The following BAZ2B variants were observed in gnomAD, a reference collection of about 807,000 sequenced individuals.
The protein encoded by BAZ2B is bromodomain adjacent to zinc finger domain 2B, also known as bromodomain adjacent to zinc finger domain protein 2B.
Under a neutral mutation model 246.0 loss-of-function variants are expected in BAZ2B, and 91 were observed. That is an observed-to-expected ratio of 0.37 (90% CI 0.31 to 0.44). The LOEUF (loss-of-function observed/expected upper bound fraction) is 0.44, where lower values mean the gene tolerates loss of function less well. BAZ2B is among the 20% of genes least tolerant of loss of function. The pLI is 1.00. For synonymous variants in BAZ2B, 855 were observed against 860.0 expected (o/e 0.99, Z 0.10); for missense variants, 2,332 against 2,533.7 (o/e 0.92, Z 1.71).
intron 14 of BAZ2B, among the ~76,000 whole-genome samples, chr2:159,410,138 A>G (rs2066589877): frequency 6.6e-6 from 1 of 152,232 alleles, no homozygotes; most frequent in African/African-American, 2.4e-5. Flanking sequence ...AACAATGTCC[A>G]CATTCCCCAG....
intron 3 of BAZ2B, among the ~76,000 whole-genome samples, chr2:159,477,293 A>T (rs1263526073): frequency 6.6e-6 from 1 of 152,102 alleles, no homozygotes; most frequent in Admixed American, 6.5e-5. Flanking sequence ...TGACAGTGCA[A>T]GACTCTGTCT....
intron 1 of BAZ2B, among the ~76,000 whole-genome samples, chr2:159,599,582 C>T (rs1362463525): frequency 6.6e-6 from 1 of 151,338 alleles, no homozygotes; most frequent in Non-Finnish European, 1.5e-5. Flanking sequence ...TGTGCCACTG[C>T]ACTCCAGCCT....
At chr2:159,524,941 C>T (rs1039736211) in intron 2 of BAZ2B, among the ~76,000 whole-genome samples, 3 of 152,086 alleles carry the variant, frequency 2.0e-5, no homozygotes, top group African/African-American at 7.2e-5. Flanking sequence ...GTCCCAGCTA[C>T]TCAGGAAACT....
At chr2:159,441,486 CAG>C (rs1230849545) in intron 6 of BAZ2B, among the ~76,000 whole-genome samples, 1 of 150,954 alleles carries the variant, frequency 6.6e-6, no homozygotes, top group Non-Finnish European at 1.5e-5. Context: ...TTAAAACAAA[CAG>C]AAATGAGAAG....
chr2:159,398,674 C>G (rs998775047), intron 18 of BAZ2B, among the ~76,000 whole-genome samples, 155 bp downstream of exon 18: 13 of 152,104 alleles, frequency 8.5e-5, no homozygotes, highest in African/African-American at 3.1e-4. Context: ...AATATACATA[C>G]AAATAAAAAC....
At chr2:159,469,340 G>A (rs1306979513) in intron 3 of BAZ2B, among the ~76,000 whole-genome samples, 2 of 152,044 alleles carry the variant, frequency 1.3e-5, no homozygotes, top group Admixed American at 6.6e-5. Context: ...TGATGTAGAC[G>A]AAATGAACGA....
chr2:159,700,488 C>G, the BAZ2B span, among the ~76,000 whole-genome samples: 1 of 152,176 alleles, frequency 6.6e-6, no homozygotes, highest in African/African-American at 2.4e-5. Flanking sequence ...CCCTATCGCC[C>G]AGGCAGGAGT....
intron 30 of BAZ2B, 23 bp downstream of exon 30, chr2:159,348,655 T>C (rs749934507): frequency 1.9e-5 from 30 of 1,571,214 alleles, no homozygotes; most frequent in Non-Finnish European, 2.4e-5. Context: ...GAAAGAAAGC[T>C]GAAATATCTT....
chr2:159,575,435 T>A (rs765008398), intron 1 of BAZ2B, among the ~76,000 whole-genome samples: 16 of 152,078 alleles, frequency 1.1e-4, no homozygotes, highest in Admixed American at 5.2e-4. Context: ...AGACACAGAG[T>A]TATAAAGAGT....
At position 159,349,090 on chromosome 2, in the gene BAZ2B, T is replaced by A. The variant is rs764607710; in HGVS notation, c.5054A>T (p.Asn1685Ile). 1 of 1,614,154 alleles carries A rather than the reference T, an allele frequency of 6.2e-7. No individual in the cohort carries two copies. The highest frequency in any genetic ancestry group is 1.7e-5 in the Admixed American group (1 of 60,018). The change falls in exon 29 of 37, where the codon AAT becomes ATT. Residue 1685 changes from asparagine (N) to isoleucine (I), a missense_variant. This residue lies in a region of BAZ2B where 676 missense variants were observed against 668.6 expected (regional missense o/e 1.01). Transcript: ENST00000392783. ...SSKSESPVPQNEKATSAQPAA... is the reference protein window; with the variant it reads ...SSKSESPVPQIEKATSAQPAA... ...AGGTTGAGCTGAAGTGGCCTTTTCATTCTGTGGTACTGGAGATTCACTTTT... is the reference window on the plus strand; with the variant it reads ...AGGTTGAGCTGAAGTGGCCTTTTCAATCTGTGGTACTGGAGATTCACTTTT...
Position 159,478,338 on chromosome 2 carries a change from T to TA in BAZ2B, c.145+236dup, listed in dbSNP as rs1577554202. Among the ~76,000 whole-genome samples, 6 of 152,222 alleles carry TA rather than the reference T, an allele frequency of 3.9e-5. No individual in the cohort carries two copies. The South Asian group carries it at 6.2e-4, about 16-fold the overall frequency. On this transcript the variant is annotated intron_variant, in intron 3 of 36. Coordinates refer to ENST00000392783, the MANE Select transcript of BAZ2B (RefSeq NM_013450.4). ...TTCATTAATTTATTAATTAAAATGATAAAACAAATTAAGATATCAAGATTT... is the reference window on the plus strand; with the variant it reads ...TTCATTAATTTATTAATTAAAATGATAAAAACAAATTAAGATATCAAGATTT...
the BAZ2B span, among the ~76,000 whole-genome samples, chr2:159,657,503 G>C: frequency 6.6e-6 from 1 of 152,040 alleles, no homozygotes; most frequent in Non-Finnish European, 1.5e-5. Flanking sequence ...AAAAATAATT[G>C]GCAATGACTT....
At chr2:159,637,517 G>A in the BAZ2B span, among the ~76,000 whole-genome samples, 1 of 152,200 alleles carries the variant, frequency 6.6e-6, no homozygotes, top group African/African-American at 2.4e-5. Flanking sequence ...TGGTTTGAGT[G>A]CTAGCTTAGC....
At chr2:159,559,091 T>C (rs1421324863) in intron 1 of BAZ2B, among the ~76,000 whole-genome samples, 2 of 151,684 alleles carry the variant, frequency 1.3e-5, no homozygotes, top group Non-Finnish European at 2.9e-5. Flanking sequence ...AATAGAAAAA[T>C]TGGCAAGACA....
chr2:159,645,670 C>A, the BAZ2B span, among the ~76,000 whole-genome samples: 4 of 152,108 alleles, frequency 2.6e-5, no homozygotes, highest in African/African-American at 9.6e-5. Context: ...CACGTAGGTT[C>A]TTTTCTATTT....
In BAZ2B at chr2:159,576,912, CA is replaced by C. The variant is rs34337483; in HGVS notation, c.-45-21048del. On this transcript the variant is annotated intron_variant, in intron 1 of 36. Coordinates refer to ENST00000392783, the MANE Select transcript of BAZ2B (RefSeq NM_013450.4). ...TGGGCTACAGAGTGAGACTGTGTCTCAAAAAAAAAAAAAAAAAAAAAAGGAA... is the reference window on the plus strand; with the variant it reads ...TGGGCTACAGAGTGAGACTGTGTCTCAAAAAAAAAAAAAAAAAAAAAGGAA... Among the ~76,000 whole-genome samples, 467 of 51,118 alleles carry C rather than the reference CA, an allele frequency of 9.1e-3. 1 individual carries two copies. The highest frequency in any genetic ancestry group is 0.021 in the African/African-American group (241 of 11,272). 33.5% of individuals were successfully genotyped at this position (51,118 alleles called of 152,430 possible).
chr2:159,461,132 CG>C (rs1454094949), intron 3 of BAZ2B: 3 of 151,632 alleles, frequency 2.0e-5, no homozygotes, highest in African/African-American at 4.9e-5. Context: ...AGCACAAACA[CG>C]TTTTTTTTTT....
At chr2:159,663,127 T>C in the BAZ2B span, among the ~76,000 whole-genome samples, 2 of 152,116 alleles carry the variant, frequency 1.3e-5, no homozygotes, top group Non-Finnish European at 2.9e-5. Context: ...TTTTTGATGG[T>C]GACCCTAGGA....
the BAZ2B span, among the ~76,000 whole-genome samples, chr2:159,657,835 T>C: frequency 6.6e-6 from 1 of 152,244 alleles, no homozygotes. Flanking sequence ...TACAAGTATT[T>C]ATTAGTTCCA....
Sources: gnomAD v4.1 joint callset for allele counts (sites outside exome capture counted in the v4.1 genomes callset) on GRCh38, gnomAD v4.1.1 for gene constraint, gnomAD v4.1.1 regional missense constraint, MANE v1.5 for transcripts, NCBI Gene and HGNC (gene_info 2026-07-23, HGNC 2026-07-21) for gene names.